IRGM: variants seen among roughly 807,000 people sequenced by gnomAD.
IRGM encodes the protein immunity related GTPase M.
For synonymous variants in IRGM, 98 were observed against 80.6 expected (o/e 1.22, Z -1.16); for missense variants, 288 against 219.9 (o/e 1.31, Z -1.96).
At chr5:150,856,586 G>A (rs1388161020) in intron 1 of IRGM, among the ~76,000 whole-genome samples, 1 of 151,366 alleles carries the variant, frequency 6.6e-6, no homozygotes, top group Non-Finnish European at 1.5e-5. Context: ...TACCAATTGG[G>A]GTAGTGTTCC....
At chr5:150,852,808 G>T (rs1753995118), downstream of IRGM, among the ~76,000 whole-genome samples, 3 of 151,904 alleles carry the variant, frequency 2.0e-5, no homozygotes, top group Non-Finnish European at 4.4e-5. Context: ...TTCTATTTCG[G>T]GTTAGTTTGT....
intron 3 of IRGM, chr5:150,897,940 A>T: frequency 8.4e-7 from 1 of 1,183,916 alleles, no homozygotes; most frequent in Non-Finnish European, 1.2e-6. Flanking sequence ...CTTCACAATT[A>T]CTTGTTGAGT....
intron 3 of IRGM, among the ~76,000 whole-genome samples, chr5:150,883,845 C>CA (rs1445913666): frequency 1.3e-5 from 2 of 151,634 alleles, no homozygotes; most frequent in African/African-American, 2.4e-5. Context: ...TCAAACTCTT[C>CA]AAAAAAAATT....
At chr5:150,861,920 C>G (rs79482950) in intron 1 of IRGM, among the ~76,000 whole-genome samples, 93 of 152,274 alleles carry the variant, frequency 6.1e-4, no homozygotes, top group Non-Finnish European at 1.2e-3. Flanking sequence ...CATAAAACTA[C>G]CACAAACTAG....
chr5:150,862,605 C>A lies in IRGM; in HGVS notation c.158+13951C>A, dbSNP rs142158575. On this transcript the variant is annotated intron_variant and NMD_transcript_variant, in intron 1 of 3. Coordinates refer to the IRGM transcript ENST00000520549. ...TCTGCCACCTTCTCTTTTATTCTCT[C>A]CCCAAGCAAGTTCTTAGATATTCAT... is the stretch of plus-strand genomic sequence containing the variant. Among the ~76,000 whole-genome samples, 23 of 152,296 alleles carry A rather than the reference C, an allele frequency of 1.5e-4. No homozygotes were observed. In the East Asian group the frequency reaches 2.9e-3, roughly 19 times the overall value.
chr5:150,898,219 C>T (rs1754867060), intron 3 of IRGM: 9 of 1,610,562 alleles, frequency 5.6e-6, no homozygotes, highest in Non-Finnish European at 7.6e-6. Flanking sequence ...TTGAGATTGA[C>T]TGCACTGAAG....
At chr5:150,898,453 CTCCAGCA>C in intron 3 of IRGM, 9 of 1,613,484 alleles carry the variant, frequency 5.6e-6, no homozygotes, top group Non-Finnish European at 6.8e-6. Flanking sequence ...GGCTGTAGTT[CTCCAGCA>C]TCACATCCCT....
downstream of IRGM, among the ~76,000 whole-genome samples, chr5:150,849,281 A>G (rs1753937555): frequency 6.6e-6 from 1 of 152,170 alleles, no homozygotes; most frequent in Admixed American, 6.5e-5. Flanking sequence ...AATGTTGATT[A>G]AGTTTAAACT....
intron 3 of IRGM, chr5:150,897,705 A>C: frequency 4.0e-6 from 1 of 249,252 alleles, no homozygotes; most frequent in East Asian, 8.2e-5. Flanking sequence ...ACATCTCTTT[A>C]GACTCTTAAT....
chr5:150,896,584 C>T (rs1177573064), intron 3 of IRGM: 6 of 1,613,636 alleles, frequency 3.7e-6, no homozygotes, highest in South Asian at 3.3e-5. Flanking sequence ...GATGATTTTC[C>T]ACCTCCAAAA....
Position 150,847,980 on chromosome 5 carries a change from A to G in IRGM, c.-144A>G, listed in dbSNP as rs1177279592. 4 of 651,856 alleles carry G rather than the reference A, an allele frequency of 6.1e-6. No homozygotes were observed. The highest frequency in any genetic ancestry group is 3.7e-5 in the African/African-American group (2 of 54,684). 40.4% of individuals were successfully genotyped at this position (651,856 alleles called of 1,614,324 possible). A position where few individuals can be genotyped will look rare whatever the true frequency, so the allele number is the denominator to read the frequency against. ...CACCACGCGCAGCTAATTTTTTTGT[A>G]TTTTAGTAGAGAAGGTTTCACGATG... is the stretch of plus-strand genomic sequence containing the variant. On this transcript the variant is annotated 5_prime_UTR_variant, in exon 2 of 2. Transcript: ENST00000522154.
At chr5:150,858,188 T>A (rs1392042820) in intron 1 of IRGM, among the ~76,000 whole-genome samples, 1 of 151,988 alleles carries the variant, frequency 6.6e-6, no homozygotes, top group Non-Finnish European at 1.5e-5. Context: ...AGGGAATCCT[T>A]TCCCCATTGC....
At position 150,895,373 on chromosome 5, in the gene IRGM, A is replaced by G. The variant is rs958140595; in HGVS notation, c.*141-5216A>G. ...AGCTTATCAAATTAATTGGGTTTCTAGTAATTATTAAGGCTTGAGCTAATA... is the reference window on the plus strand; with the variant it reads ...AGCTTATCAAATTAATTGGGTTTCTGGTAATTATTAAGGCTTGAGCTAATA... On this transcript the variant is annotated intron_variant and NMD_transcript_variant, in intron 3 of 3. Coordinates refer to the IRGM transcript ENST00000520549. 7 of 1,345,824 alleles carry G rather than the reference A, an allele frequency of 5.2e-6. No homozygotes were observed. In the East Asian group the frequency reaches 1.7e-4, roughly 32 times the overall value. The allele number at this position is 1,345,824 out of a possible 1,614,324, so 83.4% of individuals were successfully genotyped here.
At chr5:150,857,615 GC>G (rs1312067465) in intron 1 of IRGM, among the ~76,000 whole-genome samples, 4,792 of 150,560 alleles carry the variant, frequency 0.032, 210 homozygotes, top group African/African-American at 0.11. Context: ...TTTAATGATC[GC>G]CATTCTAACT....
intron 3 of IRGM, chr5:150,900,483 C>CCCA (rs1754956567): frequency 6.6e-6 from 1 of 152,058 alleles, no homozygotes; most frequent in Non-Finnish European, 1.5e-5. Context: ...AGTACCTGCT[C>CCCA]CCATGTCTGC....
intron 3 of IRGM, among the ~76,000 whole-genome samples, chr5:150,889,103 C>T (rs1754568402): frequency 6.6e-6 from 1 of 151,412 alleles, no homozygotes; most frequent in Admixed American, 6.6e-5. Flanking sequence ...TAAGATCTTA[C>T]TAATCTCAAA....
intron 1 of IRGM, among the ~76,000 whole-genome samples, chr5:150,859,706 T>C (rs1754108981): frequency 6.6e-6 from 1 of 152,216 alleles, no homozygotes; most frequent in Non-Finnish European, 1.5e-5. Flanking sequence ...TTTTCTAGTT[T>C]ATTTGCATAG....
At chr5:150,900,103 TAAGTA>T (rs1488572568) in intron 3 of IRGM, among the ~76,000 whole-genome samples, 3 of 152,102 alleles carry the variant, frequency 2.0e-5, no homozygotes, top group African/African-American at 7.2e-5. Context: ...TTACAGTGGT[TAAGTA>T]AATACTTGCC....
chr5:150,847,580 A>G (rs1486586235), intron 1 of IRGM, 129 bp from the exon 2 acceptor site: 1 of 154,136 alleles, frequency 6.5e-6, no homozygotes, highest in Non-Finnish European at 1.4e-5. Context: ...TTGCTTGAAT[A>G]AAAACAATCA....
Sources: gnomAD v4.1 joint callset for allele counts (sites outside exome capture counted in the v4.1 genomes callset) on GRCh38, gnomAD v4.1.1 for gene constraint, MANE v1.5 for transcripts, NCBI Gene and HGNC (gene_info 2026-07-23, HGNC 2026-07-21) for gene names.